The following SYTL5 variants were observed in gnomAD, a reference collection of about 807,000 sequenced individuals.
SYTL5 encodes synaptotagmin like 5, also known as synaptotagmin-like protein 5.
In SYTL5, 34 loss-of-function variants were observed where a neutral mutation model predicts 55.9. The ratio of observed to expected loss-of-function variants is 0.61; its 90% CI spans 0.46 to 0.81. The LOEUF (loss-of-function observed/expected upper bound fraction) is 0.81, where lower values mean the gene tolerates loss of function less well. Among genes scored for constraint, SYTL5 ranks in the 30% least tolerant of loss-of-function variants. The pLI is 0.00. For missense variants in SYTL5, 637 were observed against 546.7 expected (o/e 1.17, Z -1.65); for synonymous variants, 221 against 188.7 (o/e 1.17, Z -1.40).
intron 13 of SYTL5, among the ~76,000 whole-genome samples, chrX:38,118,448 C>T (rs1394980343): frequency 9.0e-6 from 1 of 111,278 alleles, no homozygotes; most frequent in East Asian, 2.8e-4. Flanking sequence ...TCTGAGAGAG[C>T]AGTTCTCTGC....
intron 5 of SYTL5, among the ~76,000 whole-genome samples, chrX:38,075,361 C>A (rs1363751220): frequency 9.0e-6 from 1 of 111,516 alleles, no homozygotes; most frequent in Non-Finnish European, 1.9e-5. Context: ...TTCCTAAAAG[C>A]CTTTCTAAAA....
intron 1 of SYTL5, among the ~76,000 whole-genome samples, 188 bp downstream of exon 1, chrX:38,006,856 G>T: frequency 9.0e-6 from 1 of 111,145 alleles, no homozygotes; most frequent in Non-Finnish European, 1.9e-5. Context: ...GCCATTGGTA[G>T]CTATGAGTTT....
chrX:38,040,519 A>G (rs1172418777), intron 2 of SYTL5, among the ~76,000 whole-genome samples: 2 of 103,694 alleles, frequency 1.9e-5, no homozygotes, highest in Non-Finnish European at 3.9e-5. Flanking sequence ...TCTACTATCT[A>G]TGTCCAGGAG....
chrX:37,939,128 G>A, the SYTL5 span, among the ~76,000 whole-genome samples: 10 of 109,732 alleles, frequency 9.1e-5, no homozygotes, highest in South Asian at 3.6e-3. Flanking sequence ...GGGCGTGGTG[G>A]CAGGTGCTTG....
At chrX:37,895,535 CTCCT>C in the SYTL5 span, among the ~76,000 whole-genome samples, 16 of 100,094 alleles carry the variant, frequency 1.6e-4, no homozygotes, top group Admixed American at 4.6e-4. Flanking sequence ...TCTCTCCTCT[CTCCT>C]TCCTTCCTTC....
At chrX:38,108,363 A>G (rs1310606183) in intron 11 of SYTL5, among the ~76,000 whole-genome samples, 1 of 111,499 alleles carries the variant, frequency 9.0e-6, no homozygotes, top group Non-Finnish European at 1.9e-5. Flanking sequence ...GAGTGATTCA[A>G]AACCAGGTGG....
the SYTL5 span, among the ~76,000 whole-genome samples, chrX:37,925,772 C>T: frequency 3.6e-5 from 4 of 110,998 alleles, no homozygotes; most frequent in East Asian, 2.8e-4. Context: ...CCCTTTCCCT[C>T]AAGTCCCCAA....
chrX:37,968,504 G>GTTAT, the SYTL5 span, among the ~76,000 whole-genome samples: 1 of 111,531 alleles, frequency 9.0e-6, no homozygotes, highest in South Asian at 3.8e-4. Context: ...ATGATTCTGT[G>GTTAT]GGAGGGGCAC....
chrX:37,907,142 T>C, the SYTL5 span, among the ~76,000 whole-genome samples: 1 of 112,098 alleles, frequency 8.9e-6, no homozygotes, highest in Non-Finnish European at 1.9e-5. Flanking sequence ...TTTGGTTTGA[T>C]GCAATGTTAA....
chrX:38,057,583 A>G (rs748975397), intron 3 of SYTL5, among the ~76,000 whole-genome samples: 4 of 111,868 alleles, frequency 3.6e-5, no homozygotes, highest in African/African-American at 1.3e-4. Context: ...TTGAATCTGT[A>G]TATTGCTTTA....
intron 6 of SYTL5, 32 bp from the exon 7 acceptor site, chrX:38,089,414 A>C: frequency 8.4e-7 from 1 of 1,185,796 alleles, no homozygotes; most frequent in Non-Finnish European, 1.1e-6. Flanking sequence ...CTCTGCTTCC[A>C]TGTTAAAGTC....
At chrX:38,120,500 ATTCTGTTTCTAG>A (rs1380026011) in intron 14 of SYTL5, 34 bp downstream of exon 14, 56 of 1,063,092 alleles carry the variant, frequency 5.3e-5, no homozygotes, top group Non-Finnish European at 7.3e-5. Context: ...GATCAATGAC[ATTCTGTTTCTAG>A]AAGTGTGGTA....
rs1936511555 is a variant in SYTL5, at chrX:38,080,801, T to C, written c.689+4100T>C. Among the ~76,000 whole-genome samples the C allele has an allele frequency of 2.7e-5, 3 of 111,974 alleles. No individual in the cohort carries two copies. In the Admixed American group the frequency reaches 2.9e-4, roughly 11 times the overall value. On this transcript the variant is annotated intron_variant, in intron 6 of 16. Transcript: ENST00000297875. ...ATTATTCTCCTGTCCTGAATGTAAT[T>C]TTCATTGACATCTTTGCAATTAAGG...
chrX:38,031,865 T>C (rs913690838), intron 1 of SYTL5, among the ~76,000 whole-genome samples: 2 of 112,293 alleles, frequency 1.8e-5, no homozygotes, highest in South Asian at 7.4e-4. Context: ...TTGTTGCCTC[T>C]AGAGCTTTCA....
the SYTL5 span, among the ~76,000 whole-genome samples, chrX:37,897,230 A>T: frequency 2.8e-5 from 3 of 105,764 alleles, no homozygotes; most frequent in Non-Finnish European, 3.9e-5. Context: ...CATGTCCATA[A>T]TCCCAGCACT....
intron 3 of SYTL5, among the ~76,000 whole-genome samples, chrX:38,057,240 C>T (rs1001513386): frequency 2.7e-5 from 3 of 111,603 alleles, no homozygotes; most frequent in Admixed American, 9.5e-5. Flanking sequence ...TGAAGAGACT[C>T]TCCTTTCCCC....
At chrX:37,894,805 A>C in the SYTL5 span, among the ~76,000 whole-genome samples, 48 of 25,826 alleles carry the variant, frequency 1.9e-3, no homozygotes, top group African/African-American at 9.0e-3. Flanking sequence ...AGGAAGGGTG[A>C]ATTTCCTCCC....
chrX:38,000,485 C>T, the SYTL5 span, among the ~76,000 whole-genome samples: 6 of 112,311 alleles, frequency 5.3e-5, no homozygotes, highest in South Asian at 2.2e-3. Flanking sequence ...AAACCCCTAG[C>T]GGGAGCATGC....
At chrX:38,097,517 C>T (rs1172313081) in intron 9 of SYTL5, among the ~76,000 whole-genome samples, 1 of 110,392 alleles carries the variant, frequency 9.1e-6, no homozygotes, top group Non-Finnish European at 1.9e-5. Flanking sequence ...AAGTGTAATA[C>T]ATGTGCATTG....
Sources: gnomAD v4.1 joint callset for allele counts (sites outside exome capture counted in the v4.1 genomes callset) on GRCh38, gnomAD v4.1.1 for gene constraint, MANE v1.5 for transcripts, NCBI Gene and HGNC (gene_info 2026-07-23, HGNC 2026-07-21) for gene names.